CCDC171: variants seen among roughly 807,000 people sequenced by gnomAD.
CCDC171 encodes coiled-coil domain containing 171.
Under a neutral mutation model 168.2 loss-of-function variants are expected in CCDC171, and 177 were observed. The observed-to-expected ratio is 1.05, with a 90% CI of 0.93 to 1.19. The LOEUF is 1.19. CCDC171 is among the 50% of genes most tolerant of loss of function. CCDC171 has a pLI of 0.00. For synonymous variants in CCDC171, 687 were observed against 540.8 expected (o/e 1.27, Z -3.75); for missense variants, 1,991 against 1,539.0 (o/e 1.29, Z -4.91).
chr9:15,866,641 A>G (rs1285152369), intron 23 of CCDC171, among the ~76,000 whole-genome samples: 2 of 152,006 alleles, frequency 1.3e-5, no homozygotes, highest in African/African-American at 2.4e-5. Context: ...CTGAACCTCA[A>G]GGGAAAGTCA....
At chr9:15,944,367 C>G (rs1191707926) in intron 25 of CCDC171, among the ~76,000 whole-genome samples, 1 of 151,642 alleles carries the variant, frequency 6.6e-6, no homozygotes, top group Non-Finnish European at 1.5e-5. Flanking sequence ...GAGGACTTGT[C>G]GATATATAGT....
chr9:16,032,485 C>A (rs1359081390), intron 6 of CCDC171, among the ~76,000 whole-genome samples: 1 of 152,096 alleles, frequency 6.6e-6, no homozygotes, highest in African/African-American at 2.4e-5. Flanking sequence ...GCATAGGTGG[C>A]CAGTCTGGGA....
At chr9:16,000,553 G>A (rs149872952) in intron 3 of CCDC171, among the ~76,000 whole-genome samples, 2 of 152,220 alleles carry the variant, frequency 1.3e-5, no homozygotes, top group East Asian at 3.9e-4. Flanking sequence ...AGAGAATTGA[G>A]GAGAGGGAAA....
intron 21 of CCDC171, among the ~76,000 whole-genome samples, chr9:15,788,442 A>T (rs1418503659): frequency 3.9e-5 from 6 of 152,178 alleles, no homozygotes; most frequent in Non-Finnish European, 7.3e-5. Flanking sequence ...TAAAAAACAA[A>T]GTGTATTGTT....
intron 24 of CCDC171, among the ~76,000 whole-genome samples, chr9:15,899,814 CAG>C (rs368205502): frequency 3.8e-4 from 58 of 152,060 alleles, no homozygotes; most frequent in African/African-American, 1.3e-3. Flanking sequence ...CTCTTTGTGA[CAG>C]AATTTTTTTT....
intron 4 of CCDC171, among the ~76,000 whole-genome samples, chr9:15,583,670 G>C (rs2041321869): frequency 6.6e-6 from 1 of 152,008 alleles, no homozygotes; most frequent in African/African-American, 2.4e-5. Context: ...CTACACATTG[G>C]TTACAGCATA....
intron 21 of CCDC171, among the ~76,000 whole-genome samples, chr9:15,824,098 C>A (rs2059911957): frequency 2.0e-5 from 3 of 152,026 alleles, no homozygotes; most frequent in Middle Eastern, 3.4e-3. Flanking sequence ...GAAGTTGTAC[C>A]ATTTATTATC....
intron 3 of CCDC171, among the ~76,000 whole-genome samples, chr9:15,998,910 T>C (rs1450319807): frequency 6.6e-6 from 1 of 152,170 alleles, no homozygotes; most frequent in African/African-American, 2.4e-5. Context: ...CTGTAGCAAC[T>C]TGAATTTCTC....
chr9:15,675,187 GTTTT>G (rs138989790), intron 9 of CCDC171, among the ~76,000 whole-genome samples: 1 of 75,528 alleles, frequency 1.3e-5, no homozygotes, highest in African/African-American at 5.6e-5. Context: ...TGCAACTCCT[GTTTT>G]TTTTTTTTTT....
intron 1 of CCDC171, among the ~76,000 whole-genome samples, chr9:16,049,924 T>A (rs1296218608): frequency 1.3e-5 from 2 of 152,212 alleles, no homozygotes; most frequent in African/African-American, 2.4e-5. Flanking sequence ...TCTTACTCTG[T>A]CACACAGGCT....
chr9:15,914,413 A>G (rs1001948604), intron 24 of CCDC171, among the ~76,000 whole-genome samples: 5 of 152,184 alleles, frequency 3.3e-5, no homozygotes, highest in African/African-American at 1.2e-4. Flanking sequence ...GGCTCTGTCC[A>G]GTCAGAACTT....
At chr9:15,876,268 T>C (rs1817832864) in intron 24 of CCDC171, among the ~76,000 whole-genome samples, 1 of 152,140 alleles carries the variant, frequency 6.6e-6, no homozygotes, top group African/African-American at 2.4e-5. Flanking sequence ...ATATATATTG[T>C]AGTTTAGTAG....
At chr9:15,725,036 A>C in intron 14 of CCDC171, 60 bp downstream of exon 14, 2 of 1,196,012 alleles carry the variant, frequency 1.7e-6, no homozygotes, top group Non-Finnish European at 2.5e-6. Flanking sequence ...AGTGTTATAC[A>C]TCAAGTGACT....
In CCDC171 at chr9:15,920,264, C is replaced by G. The variant is rs763467232; in HGVS notation, c.3601-6C>G. The G allele has an allele frequency of 2.3e-5, 36 of 1,550,386 alleles. No individual in the cohort carries two copies. The highest frequency in any genetic ancestry group is 7.3e-5 in the Admixed American group (4 of 55,090). Reference sequence around the variant, plus strand: ...ATTATATGTGACATTATTTTTATTTCTTAAGGCTATGATTAAAAGTTTCAT... The same window carrying G: ...ATTATATGTGACATTATTTTTATTTGTTAAGGCTATGATTAAAAGTTTCAT... On this transcript the variant is annotated splice_region_variant and splice_polypyrimidine_tract_variant and intron_variant, in intron 24 of 25. Transcript: ENST00000380701.
chr9:15,579,221 T>A (rs2040924787), intron 4 of CCDC171, among the ~76,000 whole-genome samples, 198 bp downstream of exon 4: 1 of 152,234 alleles, frequency 6.6e-6, no homozygotes, highest in African/African-American at 2.4e-5. Context: ...TTTACATTGA[T>A]TTTTTTATGC....
chr9:15,718,368 C>T (rs984498261), intron 11 of CCDC171, among the ~76,000 whole-genome samples: 7 of 152,234 alleles, frequency 4.6e-5, no homozygotes, highest in Non-Finnish European at 1.0e-4. Flanking sequence ...TTCTGGACAG[C>T]ATCTCTGGAT....
chr9:15,898,995 A>G (rs897343385), intron 24 of CCDC171, among the ~76,000 whole-genome samples: 4 of 152,146 alleles, frequency 2.6e-5, no homozygotes, highest in South Asian at 2.1e-4. Flanking sequence ...TCCCTAACTC[A>G]TAGCAGCCAC....
intron 3 of CCDC171, among the ~76,000 whole-genome samples, chr9:16,011,262 C>A (rs1198943793): frequency 1.3e-5 from 2 of 152,108 alleles, no homozygotes; most frequent in Non-Finnish European, 2.9e-5. Context: ...GATGGATTAC[C>A]CTTGGACTTC....
At chr9:15,904,451 C>A (rs1458402126) in intron 24 of CCDC171, among the ~76,000 whole-genome samples, 1 of 151,820 alleles carries the variant, frequency 6.6e-6, no homozygotes, top group Admixed American at 6.6e-5. Context: ...GAAATAAAAT[C>A]CTTTACACAC....
Sources: gnomAD v4.1 joint callset for allele counts (sites outside exome capture counted in the v4.1 genomes callset) on GRCh38, gnomAD v4.1.1 for gene constraint, MANE v1.5 for transcripts, NCBI Gene and HGNC (gene_info 2026-07-23, HGNC 2026-07-21) for gene names.